Variants in KIFC3 observed in about 807,000 individuals in gnomAD.
KIFC3 encodes the protein kinesin-like protein KIFC3.
Under a neutral mutation model 101.8 loss-of-function variants are expected in KIFC3, and 60 were observed. The ratio of observed to expected loss-of-function variants is 0.59; its 90% CI spans 0.48 to 0.73. The LOEUF (loss-of-function observed/expected upper bound fraction) is 0.73. Ranked by LOEUF, KIFC3 falls within the 30% of genes least tolerant of loss-of-function variation. The probability of loss-of-function intolerance (pLI) is 0.00; values close to 1 mark genes in which losing one functional copy is unlikely to be tolerated. For missense variants in KIFC3, 966 were observed against 1,137.1 expected (o/e 0.85, Z 2.16); for synonymous variants, 476 against 482.7 (o/e 0.99, Z 0.18).
chr16:57,786,400 T>C (rs913380371), intron 3 of KIFC3, among the ~76,000 whole-genome samples: 5 of 152,030 alleles, frequency 3.3e-5, no homozygotes, highest in Non-Finnish European at 7.4e-5. Context: ...GAACACAGAA[T>C]CAGGGCCCGT....
At chr16:57,814,920 C>CTTTTGT (rs1555628480) in intron 1 of KIFC3, among the ~76,000 whole-genome samples, 3 of 132,266 alleles carry the variant, frequency 2.3e-5, no homozygotes, top group Non-Finnish European at 3.3e-5. Context: ...CCATGCCTGG[C>CTTTTGT]CTATTATTGC....
chr16:57,798,421 C>A (rs1163192669), intron 1 of KIFC3, 139 bp from the exon 2 acceptor site: 7 of 740,142 alleles, frequency 9.5e-6, no homozygotes, highest in African/African-American at 5.3e-5. Flanking sequence ...CTGCACTGTC[C>A]CCCAAAGACC....
chr16:57,831,015 A>G (rs1239398940), intron 1 of KIFC3, among the ~76,000 whole-genome samples: 1 of 152,222 alleles, frequency 6.6e-6, no homozygotes, highest in East Asian at 1.9e-4. Flanking sequence ...GCGTCACCAG[A>G]GTGGGAAATT....
chr16:57,770,062 GCACA>G, intron 7 of KIFC3, 107 bp from the exon 8 acceptor site: 3 of 1,344,184 alleles, frequency 2.2e-6, no homozygotes, highest in Non-Finnish European at 3.0e-6. Flanking sequence ...GAACACACAT[GCACA>G]CACACATGTG....
intron 1 of KIFC3, among the ~76,000 whole-genome samples, chr16:57,799,987 C>T (rs1486453746): frequency 6.6e-6 from 1 of 151,974 alleles, no homozygotes; most frequent in African/African-American, 2.4e-5. Context: ...GAAGCAGCCA[C>T]TTCCTTCTCC....
At chr16:57,800,276 G>A (rs1237622013) in intron 1 of KIFC3, among the ~76,000 whole-genome samples, 1 of 152,162 alleles carries the variant, frequency 6.6e-6, no homozygotes, top group African/African-American at 2.4e-5. Context: ...AGGCTCCTAG[G>A]TTCAGTCTTA....
intron 1 of KIFC3, among the ~76,000 whole-genome samples, chr16:57,835,949 C>T (rs1429390705): frequency 6.6e-6 from 1 of 152,122 alleles, no homozygotes; most frequent in Non-Finnish European, 1.5e-5. Flanking sequence ...GACTACATCT[C>T]AGAAACAAAA....
At chr16:57,764,001 C>T (rs11649013) in intron 12 of KIFC3, 142 bp downstream of exon 12, 402,609 of 661,616 alleles carry the variant, frequency 0.61, 129,359 homozygotes, top group Middle Eastern at 0.68. Flanking sequence ...AGGGCTAACA[C>T]AGATAACTAC....
chr16:57,848,670 G>A (rs247048), intron 1 of KIFC3, among the ~76,000 whole-genome samples: 127,409 of 152,098 alleles, frequency 0.84, 53,564 homozygotes, highest in East Asian at 0.98. Context: ...GCTAATCTCC[G>A]ATTCTGTGTG....
chr16:57,765,821 A>C, intron 10 of KIFC3, 181 bp from the exon 11 acceptor site: 1 of 588,690 alleles, frequency 1.7e-6, no homozygotes, highest in Non-Finnish European at 3.0e-6. Flanking sequence ...GTATGAATTC[A>C]CTTAGTACAT....
At position 57,770,672 on chromosome 16, in the gene KIFC3, G is replaced by T; in HGVS notation, c.794C>A (p.Ser265Ter). 1 of 1,542,252 alleles carries T rather than the reference G, an allele frequency of 6.5e-7. No individual in the cohort carries two copies. Among genetic ancestry groups the T allele is most frequent in the South Asian group, 1.2e-5 (1 of 81,302 alleles). The change falls in exon 7 of 20, where the codon TCG (serine) becomes TAG (stop). Residue 265 changes from serine (S) to a stop codon, truncating the protein, a stop_gained. Coordinates refer to ENST00000445690, the MANE Select transcript of KIFC3 (RefSeq NM_001130100.2). LOFTEE classifies it high-confidence loss of function. ...KYVIKTVEVE[S>*]SKTKQALSES... is the part of the protein sequence containing the mutation. ...GCTGAGGGCCTGCTTGGTCTTGGAC[G>T]ACTCCACCTCCACTGTCTTGATGAC...
chr16:57,824,301 C>T (rs1485727869), intron 1 of KIFC3, among the ~76,000 whole-genome samples: 14 of 152,326 alleles, frequency 9.2e-5, no homozygotes, highest in African/African-American at 3.4e-4. Context: ...AGTGGGTAGG[C>T]TGAGGGCAGA....
intron 3 of KIFC3, among the ~76,000 whole-genome samples, chr16:57,780,782 C>G (rs1372393768): frequency 1.4e-5 from 2 of 144,006 alleles, no homozygotes; most frequent in African/African-American, 5.1e-5. Flanking sequence ...TCAAGCAATT[C>G]TCCTGCCTCA....
chr16:57,798,981 G>T (rs1007081762), intron 1 of KIFC3, among the ~76,000 whole-genome samples: 5 of 152,198 alleles, frequency 3.3e-5, no homozygotes, highest in Non-Finnish European at 7.3e-5. Flanking sequence ...TGGATCAGAA[G>T]AGATGAGGCC....
At chr16:57,793,028 T>TA (rs782148692) in intron 3 of KIFC3, among the ~76,000 whole-genome samples, 28 of 152,216 alleles carry the variant, frequency 1.8e-4, no homozygotes, top group Non-Finnish European at 3.4e-4. Flanking sequence ...GGCTCATGCC[T>TA]GTAATCCCAG....
In KIFC3 at chr16:57,769,468, G is replaced by C. The variant is rs112441975; in HGVS notation, c.1218+127C>G. On this transcript the variant is annotated intron_variant, in intron 9 of 19. Transcript: ENST00000445690. This position sits in a 1 kb window ranked among gnomAD's most constrained non-coding sequence, Gnocchi z 4.3. ...ATAAGGGCAGCAGTAAGTGTCATGG[G>C]GGGTGGGGCAGGGGCTGCTGTCTGA... The C allele has an allele frequency of 0.014, 16,851 of 1,185,042 alleles. 292 individuals carry two copies. Among genetic ancestry groups the C allele is most frequent in the Non-Finnish European group, 0.014 (12,056 of 854,236 alleles). The allele number at this position is 1,185,042 out of a possible 1,614,324, so 73.4% of individuals were successfully genotyped here.
At chr16:57,837,780 A>C (rs1472512085) in intron 1 of KIFC3, among the ~76,000 whole-genome samples, 13 of 152,052 alleles carry the variant, frequency 8.5e-5, no homozygotes, top group Admixed American at 8.5e-4. Flanking sequence ...GGGAATCGGG[A>C]CTTTAACAGT....
In KIFC3 at chr16:57,761,322, T is replaced by C. The variant is rs879947460; in HGVS notation, c.1872+91A>G. 15 of 1,561,752 alleles carry C rather than the reference T, an allele frequency of 9.6e-6. No individual in the cohort carries two copies. In the Admixed American group the frequency reaches 1.4e-4, roughly 15 times the overall value. ...AGAGGCGTGCGGACTTGCCCAAGGGTGCGTGCTTAGGACACAGCAGAGCCT... is the reference window on the plus strand; with the variant it reads ...AGAGGCGTGCGGACTTGCCCAAGGGCGCGTGCTTAGGACACAGCAGAGCCT... On this transcript the variant is annotated intron_variant, in intron 14 of 19. Coordinates refer to ENST00000445690, the MANE Select transcript of KIFC3 (RefSeq NM_001130100.2).
At chr16:57,812,221 T>C (rs1433979812) in intron 1 of KIFC3, among the ~76,000 whole-genome samples, 1 of 151,810 alleles carries the variant, frequency 6.6e-6, no homozygotes, top group African/African-American at 2.4e-5. Flanking sequence ...TTTTTGTATT[T>C]TTAGTAGAGA....
Sources: gnomAD v4.1 joint callset for allele counts (sites outside exome capture counted in the v4.1 genomes callset) on GRCh38, gnomAD v4.1.1 for gene constraint, Gnocchi (gnomAD v3.1) non-coding constraint, MANE v1.5 for transcripts, NCBI Gene and HGNC (gene_info 2026-07-23, HGNC 2026-07-21) for gene names.